The following NAV2 variants were observed in gnomAD, a reference collection of about 807,000 sequenced individuals.
NAV2 encodes the protein neuron navigator 2.
NAV2 carries 54 observed loss-of-function variants against 223.2 expected under a neutral mutation model. The observed-to-expected ratio is 0.24, with a 90% CI of 0.19 to 0.30. The LOEUF is 0.30. NAV2 is among the 10% of genes least tolerant of loss of function. The probability of loss-of-function intolerance (pLI) is 1.00; values close to 1 mark genes in which losing one functional copy is unlikely to be tolerated. For missense variants in NAV2, 2,806 were observed against 3,147.5 expected, an observed-to-expected ratio of 0.89 and a Z score of 2.60; for synonymous variants, 1,279 against 1,239.3, an observed-to-expected ratio of 1.03 and a Z score of -0.67.
chr11:19,833,569 T>C (rs1431540145), intron 2 of NAV2, among the ~76,000 whole-genome samples: 1 of 152,250 alleles, frequency 6.6e-6, no homozygotes, highest in Non-Finnish European at 1.5e-5. Flanking sequence ...TTCTCCTTTT[T>C]CCTCCTCTCC....
At chr11:20,001,828 C>T (rs2052581961) in intron 11 of NAV2, among the ~76,000 whole-genome samples, 1 of 151,836 alleles carries the variant, frequency 6.6e-6, no homozygotes, top group East Asian at 1.9e-4. Context: ...ACATTGTGCA[C>T]ATGTACCCCA....
intron 1 of NAV2, among the ~76,000 whole-genome samples, chr11:19,665,849 A>G (rs2048396202): frequency 3.3e-5 from 5 of 152,332 alleles, no homozygotes; most frequent in Admixed American, 3.3e-4. Context: ...ATGATTGATT[A>G]CAACCATAAT....
intron 1 of NAV2, among the ~76,000 whole-genome samples, chr11:19,671,906 G>T (rs1379192538): frequency 2.0e-5 from 3 of 152,156 alleles, no homozygotes; most frequent in Admixed American, 1.3e-4. Flanking sequence ...TACATGTGGG[G>T]AATTCAAAGA....
At chr11:20,003,559 T>A (rs2153490794) in intron 11 of NAV2, among the ~76,000 whole-genome samples, 1 of 152,276 alleles carries the variant, frequency 6.6e-6, no homozygotes, top group South Asian at 2.1e-4. Flanking sequence ...ACTGCCTCTC[T>A]TGTTCTACCC....
intron 6 of NAV2, among the ~76,000 whole-genome samples, chr11:19,928,443 T>C (rs983132938): frequency 6.6e-6 from 1 of 152,230 alleles, no homozygotes; most frequent in African/African-American, 2.4e-5. Context: ...TTCAAAACAT[T>C]CTTTTATGCT....
chr11:19,506,036 A>T (rs1481622823), intron 1 of NAV2: 1 of 152,296 alleles, frequency 6.6e-6, no homozygotes, highest in African/African-American at 2.4e-5. Flanking sequence ...GCGGCAAGGC[A>T]GACTGTCATG....
chr11:19,838,081 G>A (rs2060323535), intron 2 of NAV2, among the ~76,000 whole-genome samples: 1 of 152,188 alleles, frequency 6.6e-6, no homozygotes, highest in Non-Finnish European at 1.5e-5. Flanking sequence ...GATGATGTAT[G>A]GGGGAATTCT....
At position 20,114,791 on chromosome 11, in the gene NAV2, C is replaced by G. The variant is rs778848036; in HGVS notation, c.7160C>G (p.Pro2387Arg). 6.2e-7 allele frequency: 1 copy of G among 1,612,726 alleles called. No homozygotes were observed. Among genetic ancestry groups the G allele is most frequent in the South Asian group, 1.1e-5 (1 of 90,806 alleles). Reference protein sequence around the residue: ...QMPPSDAEGDPLMNMLMRLQE... With the variant: ...QMPPSDAEGDRLMNMLMRLQE... ...CCCCCCAGTGATGCTGAAGGTGACC[C>G]GCTGGTGAGTCCTCAGCCACCAGAG... The change falls in exon 37 of 38, where the codon CCG becomes CGG. Residue 2387 changes from proline (P) to arginine (R), a missense_variant. Coordinates refer to ENST00000349880, the MANE Select transcript of NAV2 (RefSeq NM_145117.5).
At chr11:19,978,256 A>C (rs745348964) in intron 10 of NAV2, among the ~76,000 whole-genome samples, 1 of 152,114 alleles carries the variant, frequency 6.6e-6, no homozygotes, top group Non-Finnish European at 1.5e-5. Flanking sequence ...ATTCTTTTCC[A>C]GGTCTGTCCA....
intron 1 of NAV2, among the ~76,000 whole-genome samples, chr11:19,414,014 A>G (rs961208255): frequency 1.3e-5 from 2 of 152,252 alleles, no homozygotes; most frequent in African/African-American, 4.8e-5. Flanking sequence ...GCATCAACTA[A>G]CAGGCAAAAT....
chr11:19,481,644 A>G (rs963298691), intron 1 of NAV2, among the ~76,000 whole-genome samples: 1 of 152,254 alleles, frequency 6.6e-6, no homozygotes, highest in African/African-American at 2.4e-5. Flanking sequence ...GAAATAATCC[A>G]TGTAATGCAT....
At chr11:19,895,598 T>C (rs969331812) in intron 6 of NAV2, among the ~76,000 whole-genome samples, 2 of 151,952 alleles carry the variant, frequency 1.3e-5, no homozygotes, top group African/African-American at 4.8e-5. Context: ...CCTGTGAGAG[T>C]GTTATGTGAG....
chr11:19,542,061 GC>G (rs2044356403), intron 1 of NAV2, among the ~76,000 whole-genome samples: 1 of 152,086 alleles, frequency 6.6e-6, no homozygotes, highest in Non-Finnish European at 1.5e-5. Context: ...TTAGAGGTCG[GC>G]AAAGCCCACC....
At chr11:20,095,650 GT>G in intron 29 of NAV2, 21 bp from the exon 30 acceptor site, 1 of 1,556,770 alleles carries the variant, frequency 6.4e-7, no homozygotes, top group Non-Finnish European at 8.9e-7. Context: ...TTTTTCACCT[GT>G]GTACATTTCC....
At position 19,905,398 on chromosome 11, in the gene NAV2, A is replaced by T. The variant is rs181482581; in HGVS notation, c.931+12804A>T. On this transcript the variant is annotated intron_variant, in intron 6 of 37. Coordinates refer to ENST00000349880, the MANE Select transcript of NAV2 (RefSeq NM_145117.5). ...TGCCCTCATCTAAGAGCCAGATAGG[A>T]ATGTTCATGCAAATTATTTTTTAAA... Among the ~76,000 whole-genome samples, 328 of 152,322 alleles carry T rather than the reference A, an allele frequency of 2.2e-3. 3 individuals are homozygous for T. Among genetic ancestry groups the T allele is most frequent in the South Asian group, 0.015 (72 of 4,818 alleles).
At chr11:19,847,917 T>C (rs2060894969) in intron 3 of NAV2, among the ~76,000 whole-genome samples, 1 of 152,216 alleles carries the variant, frequency 6.6e-6, no homozygotes, top group Admixed American at 6.5e-5. Flanking sequence ...CATTCATGTT[T>C]TGGGGGACAT....
At chr11:20,114,093 G>A (rs1321429046) in intron 36 of NAV2, among the ~76,000 whole-genome samples, 1 of 152,164 alleles carries the variant, frequency 6.6e-6, no homozygotes, top group Non-Finnish European at 1.5e-5. Flanking sequence ...AAGGTATGTA[G>A]GCAGTATTCT....
chr11:19,865,408 G>A (rs997087734), intron 3 of NAV2, among the ~76,000 whole-genome samples: 1 of 152,088 alleles, frequency 6.6e-6, no homozygotes, highest in Admixed American at 6.6e-5. Flanking sequence ...ATCACAAGAG[G>A]GCCTGGATCA....
At chr11:19,485,164 C>A (rs2042401803) in intron 1 of NAV2, among the ~76,000 whole-genome samples, 1 of 152,160 alleles carries the variant, frequency 6.6e-6, no homozygotes, top group South Asian at 2.1e-4. Flanking sequence ...ATCTAGGGGC[C>A]TAAGAGCTTT....
Sources: allele counts gnomAD v4.1 joint callset (sites outside exome capture counted in the v4.1 genomes callset), GRCh38; gene constraint gnomAD v4.1.1; transcripts MANE v1.5; gene names NCBI Gene and HGNC (gene_info 2026-07-23, HGNC 2026-07-21).